TDRKH: variants seen among roughly 807,000 people sequenced by gnomAD.
TDRKH encodes tudor and KH domain-containing protein.
A neutral mutation model predicts 61.3 loss-of-function variants in TDRKH; 28 were observed. The ratio of observed to expected loss-of-function variants is 0.46; its 90% CI spans 0.34 to 0.63. The LOEUF is 0.63. Among genes scored for constraint, TDRKH ranks in the 20% least tolerant of loss-of-function variants. The pLI is 0.01. For synonymous variants in TDRKH, 219 were observed against 244.4 expected (o/e 0.90, Z 0.97); for missense variants, 540 against 683.4 (o/e 0.79, Z 2.34).
chr1:151,772,423 T>A (rs981795992), downstream of TDRKH, among the ~76,000 whole-genome samples: 10 of 152,108 alleles, frequency 6.6e-5, no homozygotes, highest in Non-Finnish European at 1.3e-4. Flanking sequence ...AAAATAAATT[T>A]TGAGAATTGT....
At chr1:151,773,449 G>C (rs1343272342), downstream of TDRKH, 1 of 152,626 alleles carries the variant, frequency 6.6e-6, no homozygotes, top group Non-Finnish European at 1.5e-5. Context: ...TAGGCTCACA[G>C]CCTGCTTCCA....
chr1:151,781,425 A>G, intron 3 of TDRKH, 56 bp downstream of exon 3: 1 of 1,503,412 alleles, frequency 6.7e-7, no homozygotes. Context: ...AGGAAACAAG[A>G]AATCAATAAA....
chr1:151,781,095 C>G (rs978332921), intron 3 of TDRKH, among the ~76,000 whole-genome samples: 7 of 151,342 alleles, frequency 4.6e-5, no homozygotes, highest in African/African-American at 1.7e-4. Context: ...GCAGGCGGAT[C>G]ACCTGAGGTC....
chr1:151,769,972 T>C (rs1318328717), downstream of TDRKH: 3 of 767,634 alleles, frequency 3.9e-6, no homozygotes, highest in Non-Finnish European at 6.0e-6. Flanking sequence ...CTCAGCAGGC[T>C]GAGGCAGGAG....
chr1:151,768,344 C>T, downstream of TDRKH: 2 of 1,441,026 alleles, frequency 1.4e-6, no homozygotes, highest in Non-Finnish European at 1.9e-6. Context: ...GCAATCCATT[C>T]ACCTGGCATG....
chr1:151,776,835 G>T (rs6684101), intron 6 of TDRKH, among the ~76,000 whole-genome samples: 62,358 of 152,106 alleles, frequency 0.41, 13,843 homozygotes, highest in Non-Finnish European at 0.51. Context: ...GTGCTACATA[G>T]TCAAATCGGT....
At chr1:151,767,526 G>A, downstream of TDRKH, 2 of 925,438 alleles carry the variant, frequency 2.2e-6, no homozygotes, top group Non-Finnish European at 3.0e-6. Flanking sequence ...AGGGAGTGGG[G>A]ACAAAGGTAA....
At chr1:151,767,961 C>A, downstream of TDRKH, 2 of 1,472,022 alleles carry the variant, frequency 1.4e-6, no homozygotes, top group East Asian at 2.3e-5. Context: ...TTCTCCCAGG[C>A]TCTCCCCATC....
rs781243668 is a variant in TDRKH, at chr1:151,775,449, G to A, written c.1377C>T (p.Val459=). Residue 459 remains valine, a synonymous_variant, in exon 10 of 13, where the codon GTC becomes GTT. Transcript: ENST00000368824. ...KPLVAKISSY[V]QTGISTWPKI... ...TTGGCCAAGTTGAGATCCCAGTCTGGACATAGCTAGAGATCTTGGCTACCA... is the reference window on the plus strand; with the variant it reads ...TTGGCCAAGTTGAGATCCCAGTCTGAACATAGCTAGAGATCTTGGCTACCA... The A allele has an allele frequency of 6.2e-7, 1 of 1,614,118 alleles. No individual in the cohort carries two copies. The highest frequency in any genetic ancestry group is 8.5e-7 in the Non-Finnish European group (1 of 1,180,028).
intron 1 of TDRKH, among the ~76,000 whole-genome samples, chr1:151,790,076 A>G (rs1339527488): frequency 6.6e-6 from 1 of 152,226 alleles, no homozygotes; most frequent in Non-Finnish European, 1.5e-5. Flanking sequence ...GGCAGCTCTC[A>G]GTCTCAAAAA....
At position 151,774,340 on chromosome 1, in the gene TDRKH, G is replaced by T. The variant is rs1648944299; in HGVS notation, c.*112C>A. Reference sequence around the variant, plus strand: ...ATTAAGACAGGGCATGGGAAAGAGGGAATCAAAGCAAGTGCCCCACTGTCG... The same window carrying T: ...ATTAAGACAGGGCATGGGAAAGAGGTAATCAAAGCAAGTGCCCCACTGTCG... On this transcript the variant is annotated 3_prime_UTR_variant, in exon 13 of 13. Transcript: ENST00000368824. 9.4e-7 allele frequency: 1 copy of T among 1,064,138 alleles called. No individual in the cohort carries two copies. The highest frequency in any genetic ancestry group is 1.4e-6 in the Non-Finnish European group (1 of 723,792). The allele number at this position is 1,064,138 out of a possible 1,614,324, so 65.9% of individuals were successfully genotyped here.
chr1:151,770,302 G>A (rs373790472), downstream of TDRKH: 53 of 1,591,804 alleles, frequency 3.3e-5, no homozygotes, highest in African/African-American at 5.7e-4. Context: ...TGAGGCAGCT[G>A]GATAACTCCT....
chr1:151,769,013 G>A (rs1238683456), downstream of TDRKH, among the ~76,000 whole-genome samples: 2 of 152,296 alleles, frequency 1.3e-5, no homozygotes, highest in South Asian at 4.1e-4. Flanking sequence ...TCCCAAGGCA[G>A]AAGAATTTTT....
chr1:151,769,982 G>C, downstream of TDRKH: 1 of 836,252 alleles, frequency 1.2e-6, no homozygotes, highest in Admixed American at 2.5e-5. Context: ...TGAGGCAGGA[G>C]AATCAGGCAG....
downstream of TDRKH, chr1:151,771,876 T>C (rs1648724658): frequency 7.5e-6 from 3 of 398,602 alleles, no homozygotes; most frequent in East Asian, 1.1e-4. Context: ...TAGGAAGTCT[T>C]ATGAATGATT....
intron 6 of TDRKH, among the ~76,000 whole-genome samples, chr1:151,778,130 G>A (rs1283573022): frequency 6.6e-6 from 1 of 152,112 alleles, no homozygotes; most frequent in Admixed American, 6.6e-5. Context: ...CCAAGCTCCT[G>A]TGCATTCTCA....
chr1:151,787,205 T>C (rs1040635654), intron 1 of TDRKH, among the ~76,000 whole-genome samples: 3 of 152,192 alleles, frequency 2.0e-5, no homozygotes, highest in African/African-American at 4.8e-5. Context: ...ACTTCTTTTG[T>C]CCCCTGATTA....
At chr1:151,779,730 C>A (rs2101598267) in intron 4 of TDRKH, 8 of 499,820 alleles carry the variant, frequency 1.6e-5, no homozygotes, top group Middle Eastern at 5.3e-4. Flanking sequence ...TACTAGAACC[C>A]TTAAAGAATC....
intron 10 of TDRKH, 61 bp downstream of exon 10, chr1:151,775,331 A>G: frequency 6.4e-7 from 1 of 1,570,144 alleles, no homozygotes; most frequent in Admixed American, 1.9e-5. Flanking sequence ...AGGAAGAAAA[A>G]GTAAATTAGG....
Sources: allele counts gnomAD v4.1 joint callset (sites outside exome capture counted in the v4.1 genomes callset), GRCh38; gene constraint gnomAD v4.1.1; transcripts MANE v1.5; gene names NCBI Gene and HGNC (gene_info 2026-07-23, HGNC 2026-07-21).